Variants in PTPRM observed in about 807,000 individuals in gnomAD.
PTPRM encodes receptor-type tyrosine-protein phosphatase mu.
PTPRM carries 47 observed loss-of-function variants against 186.7 expected under a neutral mutation model. That is an observed-to-expected ratio of 0.25 (90% CI 0.20 to 0.32). PTPRM has a LOEUF of 0.32. Among genes scored for constraint, PTPRM ranks in the 10% least tolerant of loss-of-function variants. The pLI is 1.00. For synonymous variants in PTPRM, 668 were observed against 674.9 expected (o/e 0.99, Z 0.16); for missense variants, 1,494 against 1,865.0 (o/e 0.80, Z 3.66).
In PTPRM at chr18:7,715,707, C is replaced by G. The variant is rs561792141; in HGVS notation, c.74-58442C>G. 2.0e-5 allele frequency among the ~76,000 whole-genome samples: 3 copies of G among 152,226 alleles called. No individual in the cohort carries two copies. In the East Asian group the frequency reaches 5.8e-4, roughly 29 times the overall value. On this transcript the variant is annotated intron_variant, in intron 1 of 32. Transcript: ENST00000580170. Reference sequence around the variant, plus strand: ...CAAAAATCACAAGCATTTCTATACACCAATAATAGACCAACAGAGAGGCAA... The same window carrying G: ...CAAAAATCACAAGCATTTCTATACAGCAATAATAGACCAACAGAGAGGCAA...
chr18:7,772,292 CCT>C (rs1568107600), intron 1 of PTPRM, among the ~76,000 whole-genome samples: 3 of 85,430 alleles, frequency 3.5e-5, no homozygotes, highest in Admixed American at 1.4e-4. Context: ...TTCTTTCTCT[CCT>C]TCCTTCCTCT....
chr18:8,165,432 A>G (rs1477735413), intron 14 of PTPRM, among the ~76,000 whole-genome samples: 1 of 152,220 alleles, frequency 6.6e-6, no homozygotes, highest in East Asian at 1.9e-4. Flanking sequence ...CAGAGACCAC[A>G]GAAATGCACA....
At chr18:7,592,275 T>C (rs2037145871) in intron 1 of PTPRM, among the ~76,000 whole-genome samples, 1 of 152,196 alleles carries the variant, frequency 6.6e-6, no homozygotes, top group South Asian at 2.1e-4. Context: ...ATAATCCATG[T>C]TTCTACAGGC....
rs139791081 is a variant in PTPRM at position 7,742,097 on chromosome 18, A to G, written c.74-32052A>G. The G allele has an allele frequency of 1.4e-4, 21 of 152,332 alleles. No individual in the cohort carries two copies. In the East Asian group the frequency reaches 3.5e-3, roughly 25 times the overall value. The allele number at this position is 152,332 out of a possible 1,614,324, so 9.4% of individuals were successfully genotyped here. A position where few individuals can be genotyped will look rare whatever the true frequency, so the allele number is the denominator to read the frequency against. On this transcript the variant is annotated intron_variant, in intron 1 of 32. Coordinates refer to ENST00000580170, the MANE Select transcript of PTPRM (RefSeq NM_001105244.2). ...CAAGATGTGGGTGTATGATAGATAT[A>G]TTTAGATATTTAAACATTGGAATTA...
chr18:8,006,221 C>A (rs567588543), intron 7 of PTPRM, among the ~76,000 whole-genome samples: 2 of 152,206 alleles, frequency 1.3e-5, no homozygotes, highest in Non-Finnish European at 2.9e-5. Context: ...TAGCTCATAT[C>A]TTCTGTCCCA....
chr18:7,694,447 G>GTAA (rs1568034103), intron 1 of PTPRM, among the ~76,000 whole-genome samples: 1 of 128,970 alleles, frequency 7.8e-6, no homozygotes, highest in Non-Finnish European at 1.5e-5. Flanking sequence ...TTTTTTTTTC[G>GTAA]ACAGAGTCTC....
At chr18:8,271,793 T>C (rs1009902328) in intron 19 of PTPRM, among the ~76,000 whole-genome samples, 3 of 152,194 alleles carry the variant, frequency 2.0e-5, no homozygotes, top group Admixed American at 6.5e-5. Flanking sequence ...ATTCTTATCT[T>C]TTTAATTTGT....
chr18:7,994,237 G>C (rs916449942), intron 7 of PTPRM, among the ~76,000 whole-genome samples: 16 of 150,540 alleles, frequency 1.1e-4, no homozygotes, highest in African/African-American at 3.9e-4. Flanking sequence ...TAATTATAAA[G>C]GGATCAATTC....
intron 1 of PTPRM, among the ~76,000 whole-genome samples, chr18:7,685,323 G>T (rs986872477): frequency 1.3e-5 from 2 of 152,092 alleles, no homozygotes; most frequent in African/African-American, 2.4e-5. Context: ...TCATATTAAG[G>T]GATTTGTGGA....
rs1450526720 is a variant in PTPRM at position 8,058,984 on chromosome 18, T to A, written c.1133-10702T>A. 2.9e-5 allele frequency among the ~76,000 whole-genome samples: 3 copies of A among 102,082 alleles called. 1 individual carries two copies. Among genetic ancestry groups the A allele is most frequent in the African/African-American group, 1.3e-4 (3 of 23,648 alleles). 67.0% of individuals were successfully genotyped at this position (102,082 alleles called of 152,430 possible). ...AATTTAAAGTAGTTTTTTCCAATTCTGTGACGAAAGTCATTGGTAGCTTGA... is the reference window on the plus strand; with the variant it reads ...AATTTAAAGTAGTTTTTTCCAATTCAGTGACGAAAGTCATTGGTAGCTTGA... On this transcript the variant is annotated intron_variant, in intron 7 of 32. Coordinates refer to ENST00000580170, the MANE Select transcript of PTPRM (RefSeq NM_001105244.2).
intron 32 of PTPRM, among the ~76,000 whole-genome samples, chr18:8,398,769 C>CAAAAA (rs199873195): frequency 3.6e-5 from 3 of 84,056 alleles, no homozygotes; most frequent in Admixed American, 1.4e-4. Flanking sequence ...GACTCCTTCT[C>CAAAAA]AAAAAAAAAA....
chr18:8,346,893 A>G (rs1381515784), intron 23 of PTPRM, among the ~76,000 whole-genome samples: 1 of 152,044 alleles, frequency 6.6e-6, no homozygotes, highest in African/African-American at 2.4e-5. Context: ...CTCCAGGCCC[A>G]GGGCCCTGAG....
intron 2 of PTPRM, among the ~76,000 whole-genome samples, chr18:7,848,344 C>T (rs2046700265): frequency 6.6e-6 from 1 of 152,198 alleles, no homozygotes; most frequent in Non-Finnish European, 1.5e-5. Flanking sequence ...GCTTGCTCAG[C>T]CATGCTGGTT....
intron 19 of PTPRM, among the ~76,000 whole-genome samples, chr18:8,255,242 T>TATTACTG (rs1252330325): frequency 6.6e-6 from 1 of 152,248 alleles, no homozygotes; most frequent in Non-Finnish European, 1.5e-5. Context: ...TGAATGCAGA[T>TATTACTG]ATTACTGAAA....
At chr18:8,149,512 T>G (rs2092955891) in intron 14 of PTPRM, among the ~76,000 whole-genome samples, 1 of 152,178 alleles carries the variant, frequency 6.6e-6, no homozygotes, top group Non-Finnish European at 1.5e-5. Flanking sequence ...TGGTAAATAT[T>G]CTCCATCCAT....
At chr18:8,187,186 C>T (rs1355190349) in intron 14 of PTPRM, among the ~76,000 whole-genome samples, 4 of 152,172 alleles carry the variant, frequency 2.6e-5, no homozygotes, top group Non-Finnish European at 5.9e-5. Context: ...GTGACCCACC[C>T]TCCTCGGCCT....
chr18:7,972,024 C>T (rs1294691726), intron 7 of PTPRM, among the ~76,000 whole-genome samples: 2 of 76,250 alleles, frequency 2.6e-5, no homozygotes, highest in South Asian at 5.4e-4. Context: ...ATGTTTATTG[C>T]GGCATTATTC....
intron 1 of PTPRM, among the ~76,000 whole-genome samples, chr18:7,711,297 G>A (rs1287087861): frequency 6.6e-6 from 1 of 152,176 alleles, no homozygotes; most frequent in African/African-American, 2.4e-5. Context: ...GGTGCACTCT[G>A]GCCCAGATAC....
chr18:7,808,838 T>C (rs1412226302), intron 2 of PTPRM, among the ~76,000 whole-genome samples: 1 of 152,238 alleles, frequency 6.6e-6, no homozygotes, highest in Non-Finnish European at 1.5e-5. Context: ...TCCTTCAATG[T>C]GTGACTCTAA....
Sources: allele counts gnomAD v4.1 joint callset (sites outside exome capture counted in the v4.1 genomes callset), GRCh38; gene constraint gnomAD v4.1.1; transcripts MANE v1.5; gene names NCBI Gene and HGNC (gene_info 2026-07-23, HGNC 2026-07-21).